LRRC7: variants seen among roughly 807,000 people sequenced by gnomAD.
LRRC7 encodes the protein leucine-rich repeat-containing protein 7.
In LRRC7, 23 loss-of-function variants were observed where a neutral mutation model predicts 175.7. The observed-to-expected ratio is 0.13, with a 90% CI of 0.09 to 0.19. LRRC7 has a LOEUF of 0.19. Ranked by LOEUF, LRRC7 falls within the 10% of genes least tolerant of loss-of-function variation. The pLI, the probability that LRRC7 is intolerant of heterozygous loss-of-function variation, is 1.00. For synonymous variants in LRRC7, 685 were observed against 680.9 expected (o/e 1.01, Z -0.09); for missense variants, 1,354 against 1,904.7 (o/e 0.71, Z 5.38).
intron 4 of LRRC7, among the ~76,000 whole-genome samples, chr1:69,824,294 A>G (rs1016163187): frequency 6.6e-6 from 1 of 152,172 alleles, no homozygotes; most frequent in African/African-American, 2.4e-5. Context: ...ATATTTAAAG[A>G]ATTTTATGGG....
chr1:69,808,481 A>G (rs1039891751), intron 4 of LRRC7, among the ~76,000 whole-genome samples: 4 of 152,098 alleles, frequency 2.6e-5, no homozygotes, highest in Non-Finnish European at 4.4e-5. Context: ...ACCACATTGC[A>G]CTTATTCTAA....
chr1:70,088,981 C>T (rs956588879), intron 24 of LRRC7, among the ~76,000 whole-genome samples: 4 of 152,036 alleles, frequency 2.6e-5, no homozygotes, highest in African/African-American at 9.7e-5. Flanking sequence ...TATAACAGAA[C>T]ATTAGAATGT....
At chr1:69,983,112 A>G in intron 9 of LRRC7, among the ~76,000 whole-genome samples, 1 of 152,242 alleles carries the variant, frequency 6.6e-6, no homozygotes, top group East Asian at 1.9e-4. Context: ...GAGTGAACTT[A>G]GGTAACATGA....
chr1:69,642,768 C>T (rs939256054), intron 1 of LRRC7, among the ~76,000 whole-genome samples: 2 of 151,758 alleles, frequency 1.3e-5, no homozygotes, highest in Non-Finnish European at 2.9e-5. Context: ...GTCATTGTAT[C>T]AGTTGGTATT....
In LRRC7 at chr1:70,129,753, C is replaced by G. The variant is rs767472089; in HGVS notation, c.*7866C>G. ...TCACTACACGCTGCTCAAGTGATCC[C>G]CTGAAAATACTGTTTGCATGAGATT... On this transcript the variant is annotated 3_prime_UTR_variant, in exon 27 of 27. Transcript: ENST00000651989. Among the ~76,000 whole-genome samples, 1 of 152,186 alleles carries G rather than the reference C, an allele frequency of 6.6e-6. No individual in the cohort carries two copies. Among genetic ancestry groups the G allele is most frequent in the Non-Finnish European group, 1.5e-5 (1 of 68,036 alleles).
intron 2 of LRRC7, among the ~76,000 whole-genome samples, chr1:69,751,398 C>A (rs1195575361): frequency 6.6e-6 from 1 of 151,044 alleles, no homozygotes; most frequent in Non-Finnish European, 1.5e-5. Flanking sequence ...TAGAAGATGG[C>A]AAGGGTCTGA....
chr1:69,709,844 T>A (rs1329349848), intron 2 of LRRC7, among the ~76,000 whole-genome samples: 1 of 152,194 alleles, frequency 6.6e-6, no homozygotes, highest in Non-Finnish European at 1.5e-5. Context: ...TGTGTGGATA[T>A]AGGAAGCAAG....
chr1:69,783,431 C>G (rs563646776), intron 3 of LRRC7, among the ~76,000 whole-genome samples: 93 of 152,176 alleles, frequency 6.1e-4, no homozygotes, highest in African/African-American at 2.2e-3. Context: ...GGTTGTCTTG[C>G]AAACCAGTGG....
In LRRC7 at chr1:70,130,213, C is replaced by T. The variant is rs550431358; in HGVS notation, c.*8326C>T. The T allele has an allele frequency of 6.6e-6, 1 of 152,254 alleles. No homozygotes were observed. The highest frequency in any genetic ancestry group is 2.4e-5 in the African/African-American group (1 of 41,544). 9.4% of individuals were successfully genotyped at this position (152,254 alleles called of 1,614,324 possible). On this transcript the variant is annotated 3_prime_UTR_variant, in exon 27 of 27. Transcript: ENST00000651989. Reference sequence around the variant, plus strand: ...AAGCTTTTTGAGAGAGAGGATCAGACAATACTTAACAAAGGACTTCTAGAC... The same window carrying T: ...AAGCTTTTTGAGAGAGAGGATCAGATAATACTTAACAAAGGACTTCTAGAC...
At chr1:69,914,163 C>T (rs1252189984) in intron 7 of LRRC7, among the ~76,000 whole-genome samples, 2 of 152,148 alleles carry the variant, frequency 1.3e-5, no homozygotes, top group Admixed American at 6.6e-5. Flanking sequence ...AAGTTAAAAA[C>T]TGGAATGCAT....
At chr1:69,934,500 GGGGGCGGGGGGT>G (rs1647759797) in intron 8 of LRRC7, among the ~76,000 whole-genome samples, 1 of 86,088 alleles carries the variant, frequency 1.2e-5, no homozygotes, top group East Asian at 4.7e-4. Flanking sequence ...TTGGCGGGGG[GGGGGCGGGGGGT>G]GGGGGGTTTT....
chr1:69,631,538 TGGCCAGGGCCCCAGGGA>T (rs1652496451), intron 1 of LRRC7, among the ~76,000 whole-genome samples: 1 of 152,144 alleles, frequency 6.6e-6, no homozygotes, highest in Non-Finnish European at 1.5e-5. Context: ...GACATCATTA[TGGCCAGGGCCCCAGGGA>T]GGCCAAGGTC....
intron 8 of LRRC7, among the ~76,000 whole-genome samples, chr1:69,941,368 C>T (rs911527993): frequency 2.0e-5 from 3 of 151,988 alleles, no homozygotes; most frequent in African/African-American, 7.2e-5. Context: ...ATTACATTAT[C>T]AAGACCACTT....
chr1:69,601,717 G>A (rs950985062), intron 1 of LRRC7, among the ~76,000 whole-genome samples: 1 of 151,926 alleles, frequency 6.6e-6, no homozygotes, highest in Non-Finnish European at 1.5e-5. Context: ...GGTCAACATG[G>A]GAAAATAAAA....
intron 4 of LRRC7, among the ~76,000 whole-genome samples, chr1:69,807,537 T>A (rs1677275537): frequency 6.6e-6 from 1 of 152,218 alleles, no homozygotes; most frequent in African/African-American, 2.4e-5. Context: ...TAAAGGGTTT[T>A]ATTTCTCCTT....
At chr1:70,116,316 G>A (rs1665845723) in intron 26 of LRRC7, among the ~76,000 whole-genome samples, 1 of 152,162 alleles carries the variant, frequency 6.6e-6, no homozygotes. Flanking sequence ...GGGAGGCCGA[G>A]GCAGGCGCAT....
intron 7 of LRRC7, among the ~76,000 whole-genome samples, chr1:69,853,261 CCTTT>C (rs373524636): frequency 8.2e-6 from 1 of 121,356 alleles, no homozygotes; most frequent in Non-Finnish European, 1.7e-5. Context: ...TTCTCTTTTT[CCTTT>C]CTTTCTTTTT....
chr1:69,922,064 T>G (rs1024408340), intron 7 of LRRC7, among the ~76,000 whole-genome samples: 2 of 151,706 alleles, frequency 1.3e-5, no homozygotes, highest in African/African-American at 4.9e-5. Flanking sequence ...TAGCTGGGAT[T>G]ATAGGCACCT....
rs555246959 is a variant in LRRC7, at chr1:69,811,507, C to T, written c.422-14241C>T. 2.6e-5 allele frequency among the ~76,000 whole-genome samples: 4 copies of T among 152,234 alleles called. No homozygotes were observed. The South Asian group carries it at 8.3e-4, about 32-fold the overall frequency. On this transcript the variant is annotated intron_variant, in intron 4 of 26. Transcript: ENST00000651989. ...ATGGCACTATTCACAATAGCAAAGA[C>T]TTGGAACCAACCCAAATGTCCATCA...
Sources: allele counts gnomAD v4.1 joint callset (sites outside exome capture counted in the v4.1 genomes callset), GRCh38; gene constraint gnomAD v4.1.1; transcripts MANE v1.5; gene names NCBI Gene and HGNC (gene_info 2026-07-23, HGNC 2026-07-21).